The following LRFN2 variants were observed in gnomAD, a reference collection of about 807,000 sequenced individuals.
LRFN2 encodes leucine rich repeat and fibronectin type III domain containing 2, also known as leucine-rich repeat and fibronectin type-III domain-containing protein 2.
In LRFN2, 18 loss-of-function variants were observed where a neutral mutation model predicts 37.3. The ratio of observed to expected loss-of-function variants is 0.48; its 90% CI spans 0.33 to 0.72. LRFN2 has a LOEUF of 0.72. Among genes scored for constraint, LRFN2 ranks in the 30% least tolerant of loss-of-function variants. LRFN2 has a pLI of 0.02. For synonymous variants in LRFN2, 556 were observed against 466.6 expected (o/e 1.19, Z -2.47); for missense variants, 1,006 against 1,060.7 (o/e 0.95, Z 0.72).
At chr6:40,531,815 A>G (rs887588205) in intron 1 of LRFN2, among the ~76,000 whole-genome samples, 1 of 152,088 alleles carries the variant, frequency 6.6e-6, no homozygotes, top group African/African-American at 2.4e-5. Context: ...ACAAGCCTGT[A>G]TTGGCCACTG....
At chr6:40,556,643 G>A (rs915958786) in intron 1 of LRFN2, among the ~76,000 whole-genome samples, 11 of 147,876 alleles carry the variant, frequency 7.4e-5, no homozygotes, top group Non-Finnish European at 1.0e-4. Context: ...AGTGTGGAGA[G>A]TGAATTAGAA....
chr6:40,392,343 A>G lies in LRFN2; in HGVS notation c.1970T>C (p.Met657Thr). 1 of 1,610,020 alleles carries G rather than the reference A, an allele frequency of 6.2e-7. No homozygotes were observed. Among genetic ancestry groups the G allele is most frequent in the Non-Finnish European group, 8.5e-7 (1 of 1,178,578 alleles). ...GAGGTCCAGGGAGGCGAAGGCCCCC[A>G]TCAGGCGGTCAAGGCTGGGCTTGGG... ...PRPKPSLDRL[M>T]GAFASLDLKS... Residue 657 changes from methionine to threonine, a missense_variant, in exon 3 of 3, where the codon ATG becomes ACG. Around this residue, in one of 4 missense-constraint regions of LRFN2, gnomAD observed 398 missense variants for 327.6 expected, o/e 1.21. Transcript: ENST00000338305. The surrounding 1 kb of genome is among the most constrained non-coding windows in gnomAD (Gnocchi z 4.7).
intron 1 of LRFN2, among the ~76,000 whole-genome samples, chr6:40,506,949 T>A (rs1221743840): frequency 6.6e-6 from 1 of 152,202 alleles, no homozygotes; most frequent in East Asian, 1.9e-4. Context: ...CACAGAATTT[T>A]GTAGTTTTAT....
chr6:40,565,635 A>G (rs1279144555), intron 1 of LRFN2, among the ~76,000 whole-genome samples: 4 of 152,182 alleles, frequency 2.6e-5, no homozygotes, highest in Non-Finnish European at 5.9e-5. Flanking sequence ...GAAATGGGGA[A>G]AGGATTCCCT....
intron 1 of LRFN2, among the ~76,000 whole-genome samples, chr6:40,493,687 C>T (rs1324961635): frequency 6.6e-6 from 1 of 152,232 alleles, no homozygotes; most frequent in East Asian, 1.9e-4. Flanking sequence ...CACTGCCTTG[C>T]AGCCGGCTTC....
intron 1 of LRFN2, among the ~76,000 whole-genome samples, chr6:40,443,642 T>C (rs1763896968): frequency 6.6e-6 from 1 of 152,192 alleles, no homozygotes; most frequent in Non-Finnish European, 1.5e-5. Context: ...CCTCTGTCCC[T>C]GCAGTTCTGG....
At chr6:40,574,875 T>C (rs977934961) in intron 1 of LRFN2, among the ~76,000 whole-genome samples, 1 of 152,070 alleles carries the variant, frequency 6.6e-6, no homozygotes, top group East Asian at 1.9e-4. Flanking sequence ...TCAGGACCCT[T>C]TTCCCCCACC....
At chr6:40,496,382 C>T (rs377729396) in intron 1 of LRFN2, among the ~76,000 whole-genome samples, 47 of 152,266 alleles carry the variant, frequency 3.1e-4, no homozygotes, top group African/African-American at 1.0e-3. Flanking sequence ...CAGTGGTTCC[C>T]GCTGCACCAG....
At chr6:40,415,735 G>C (rs1434254386) in intron 2 of LRFN2, among the ~76,000 whole-genome samples, 1 of 152,204 alleles carries the variant, frequency 6.6e-6, no homozygotes, top group Non-Finnish European at 1.5e-5. Flanking sequence ...GAAATGCCTT[G>C]TTTGTAGCTG....
At chr6:40,473,440 A>G (rs1294621935) in intron 1 of LRFN2, among the ~76,000 whole-genome samples, 1 of 151,714 alleles carries the variant, frequency 6.6e-6, no homozygotes, top group Non-Finnish European at 1.5e-5. Flanking sequence ...CTCCGTTTCC[A>G]CTCCCAGTCA....
chr6:40,583,350 T>G (rs373848809), intron 1 of LRFN2, among the ~76,000 whole-genome samples: 1 of 151,474 alleles, frequency 6.6e-6, no homozygotes, highest in South Asian at 2.1e-4. Context: ...AGCTTCCTGT[T>G]ACCAGTCCCA....
At chr6:40,483,175 T>C (rs1055344909) in intron 1 of LRFN2, among the ~76,000 whole-genome samples, 7 of 152,272 alleles carry the variant, frequency 4.6e-5, no homozygotes, top group African/African-American at 1.4e-4. Flanking sequence ...TTAAGGGTTG[T>C]TGTGGGGCAT....
intron 1 of LRFN2, among the ~76,000 whole-genome samples, chr6:40,475,782 A>T (rs1238189037): frequency 6.6e-6 from 1 of 152,012 alleles, no homozygotes; most frequent in Non-Finnish European, 1.5e-5. Flanking sequence ...TGCTCCTGGG[A>T]TGTGCTGCCT....
intron 1 of LRFN2, among the ~76,000 whole-genome samples, chr6:40,530,796 A>G (rs1766329132): frequency 6.6e-6 from 1 of 151,884 alleles, no homozygotes; most frequent in Admixed American, 6.6e-5. Flanking sequence ...TGCCAAGTTC[A>G]CACCTGCCCT....
intron 1 of LRFN2, among the ~76,000 whole-genome samples, chr6:40,519,426 C>T (rs1765984904): frequency 6.6e-6 from 1 of 152,200 alleles, no homozygotes; most frequent in Non-Finnish European, 1.5e-5. Flanking sequence ...GCAGAGAATA[C>T]ACCCCTTGAC....
At chr6:40,428,635 C>A (rs573141822) in intron 2 of LRFN2, among the ~76,000 whole-genome samples, 6 of 152,262 alleles carry the variant, frequency 3.9e-5, no homozygotes, top group Non-Finnish European at 8.8e-5. Flanking sequence ...CACAGCCCTG[C>A]CTCTTTCTGC....
At chr6:40,582,952 A>T (rs1767431376) in intron 1 of LRFN2, among the ~76,000 whole-genome samples, 1 of 152,106 alleles carries the variant, frequency 6.6e-6, no homozygotes, top group Non-Finnish European at 1.5e-5. Context: ...TGGTCCACAG[A>T]CCACACTTGG....
At chr6:40,407,562 T>C (rs1414615113) in intron 2 of LRFN2, among the ~76,000 whole-genome samples, 1 of 152,232 alleles carries the variant, frequency 6.6e-6, no homozygotes, top group Non-Finnish European at 1.5e-5. Context: ...CTACTTGTCA[T>C]TTATCTCCTG....
intron 1 of LRFN2, among the ~76,000 whole-genome samples, chr6:40,571,636 A>G (rs1297874679): frequency 1.3e-5 from 2 of 152,202 alleles, no homozygotes; most frequent in Non-Finnish European, 2.9e-5. Flanking sequence ...TGGGCACCCA[A>G]TGTGGGTCTG....
Sources: gnomAD v4.1 joint callset for allele counts (sites outside exome capture counted in the v4.1 genomes callset) on GRCh38, gnomAD v4.1.1 for gene constraint, gnomAD v4.1.1 regional missense constraint, Gnocchi (gnomAD v3.1) non-coding constraint, MANE v1.5 for transcripts, NCBI Gene and HGNC (gene_info 2026-07-23, HGNC 2026-07-21) for gene names.